The following KAT2B variants were observed in gnomAD, a reference collection of about 807,000 sequenced individuals.
KAT2B encodes lysine acetyltransferase 2B.
In KAT2B, 36 loss-of-function variants were observed where a neutral mutation model predicts 105.9. That is an observed-to-expected ratio of 0.34 (90% CI 0.26 to 0.45). The LOEUF (loss-of-function observed/expected upper bound fraction) is 0.45. Among genes scored for constraint, KAT2B ranks in the 20% least tolerant of loss-of-function variants. The pLI is 1.00. For missense variants in KAT2B, 820 were observed against 1,021.6 expected (o/e 0.80, Z 2.69); for synonymous variants, 397 against 377.9 (o/e 1.05, Z -0.59).
intron 9 of KAT2B, among the ~76,000 whole-genome samples, chr3:20,123,524 T>G (rs1240000900): frequency 6.6e-6 from 1 of 152,252 alleles, no homozygotes; most frequent in Non-Finnish European, 1.5e-5. Context: ...ATGTGTGGCT[T>G]GCAAAGTATG....
intron 2 of KAT2B, among the ~76,000 whole-genome samples, chr3:20,090,753 T>C (rs539325453): frequency 2.0e-5 from 3 of 152,202 alleles, no homozygotes; most frequent in Non-Finnish European, 4.4e-5. Context: ...TTGAAGTTTT[T>C]TTTTAGAGTT....
chr3:20,101,969 AAATT>A (rs1242429482), intron 5 of KAT2B, among the ~76,000 whole-genome samples: 1 of 152,166 alleles, frequency 6.6e-6, no homozygotes, highest in Non-Finnish European at 1.5e-5. Flanking sequence ...TATAACTCTG[AAATT>A]AATTAGAGCC....
At chr3:20,112,227 G>A (rs2125166615) in intron 6 of KAT2B, among the ~76,000 whole-genome samples, 1 of 148,464 alleles carries the variant, frequency 6.7e-6, no homozygotes, top group East Asian at 2.0e-4. Flanking sequence ...AACCATCCCT[G>A]CCTCAGCTAT....
Position 20,040,818 on chromosome 3 carries a change from A to G in KAT2B, c.303+38A>G, listed in dbSNP as rs1232003695. On this transcript the variant is annotated intron_variant, in intron 1 of 17. Transcript: ENST00000263754. Reference sequence around the variant, plus strand: ...CGCTCTCGGACCGCGGATGGGTGCTAGGGGCCCAGCCCGCGGGACCCCCCT... The same window carrying G: ...CGCTCTCGGACCGCGGATGGGTGCTGGGGGCCCAGCCCGCGGGACCCCCCT... The G allele has an allele frequency of 3.2e-6, 5 of 1,546,682 alleles. No homozygotes were observed. The African/African-American group carries it at 4.2e-5, about 13-fold the overall frequency.
chr3:20,093,310 G>C (rs2125194367), intron 2 of KAT2B, among the ~76,000 whole-genome samples: 1 of 152,316 alleles, frequency 6.6e-6, no homozygotes, highest in Non-Finnish European at 1.5e-5. Flanking sequence ...TTGGGAGCTG[G>C]TGTAGAACAC....
At chr3:20,073,379 T>G (rs989784151) in intron 2 of KAT2B, among the ~76,000 whole-genome samples, 8 of 152,196 alleles carry the variant, frequency 5.3e-5, no homozygotes, top group Non-Finnish European at 1.0e-4. Context: ...ATGCCATCAT[T>G]TCTCTAGAGC....
intron 2 of KAT2B, among the ~76,000 whole-genome samples, chr3:20,075,742 G>A (rs1698406744): frequency 6.6e-6 from 1 of 151,800 alleles, no homozygotes; most frequent in African/African-American, 2.4e-5. Flanking sequence ...CCAGGTGCAC[G>A]ACCCCCCAGG....
Position 20,152,248 on chromosome 3 carries a change from C to G in KAT2B, c.2306-84C>G, listed in dbSNP as rs151068697. ...GATAAAAATGTAATCAAACCAACAA[C>G]ATAGATTCCTTTCCCAGTCCCAGTT... On this transcript the variant is annotated intron_variant, in intron 17 of 17. Transcript: ENST00000263754. 342 of 871,668 alleles carry G rather than the reference C, an allele frequency of 3.9e-4. No homozygotes were observed. In the African/African-American group the frequency reaches 5.1e-3, roughly 13 times the overall value. The allele number at this position is 871,668 out of a possible 1,614,324, so 54.0% of individuals were successfully genotyped here.
intron 5 of KAT2B, among the ~76,000 whole-genome samples, chr3:20,102,696 A>G (rs1401683475): frequency 1.3e-5 from 2 of 152,216 alleles, no homozygotes; most frequent in African/African-American, 2.4e-5. Flanking sequence ...AAATATAAGG[A>G]CCTACATTTA....
rs1292608940 is a variant in KAT2B, at chr3:20,111,509, T to A, written c.852-87T>A. ...AGGCCTAGTTTTTTTCTGCTATAGT[T>A]AATAGTACGAGATAAACATAATTGA... On this transcript the variant is annotated intron_variant, in intron 5 of 17. Coordinates refer to ENST00000263754, the MANE Select transcript of KAT2B (RefSeq NM_003884.5). 5.4e-6 allele frequency: 6 copies of A among 1,109,824 alleles called. No homozygotes were observed. In the African/African-American group the frequency reaches 9.5e-5, roughly 18 times the overall value. 68.7% of individuals were successfully genotyped at this position (1,109,824 alleles called of 1,614,324 possible). A position where few individuals can be genotyped will look rare whatever the true frequency, so the allele number is the denominator to read the frequency against.
intron 3 of KAT2B, 65 bp downstream of exon 3, chr3:20,095,473 C>T (rs1698793007): frequency 7.0e-6 from 8 of 1,136,706 alleles, no homozygotes; most frequent in Non-Finnish European, 1.0e-5. Context: ...CTCCATATGC[C>T]AGGTCGTGGC....
At chr3:20,068,816 A>G (rs553408801) in intron 1 of KAT2B, among the ~76,000 whole-genome samples, 1 of 152,292 alleles carries the variant, frequency 6.6e-6, no homozygotes, top group East Asian at 1.9e-4. Flanking sequence ...TTGGCCTGCC[A>G]TATTTAATTG....
At position 20,111,745 on chromosome 3, in the gene KAT2B, T is replaced by C; in HGVS notation, c.1001T>C (p.Leu334Pro). 2 of 1,613,966 alleles carry C rather than the reference T, an allele frequency of 1.2e-6. No homozygotes were observed. Among genetic ancestry groups the C allele is most frequent in the African/African-American group, 1.3e-5 (1 of 75,036 alleles). The change falls in exon 6 of 18, where the codon CTG becomes CCG. Residue 334 changes from leucine (L) to proline (P), a missense_variant. This residue lies in a region of KAT2B where 173 missense variants were observed against 249.5 expected (regional missense o/e 0.69). Transcript: ENST00000263754. ...LEQARQEKDK[L>P]PLEKRTLILT... ...CAAGCAAGACAGGAAAAAGATAAAC[T>C]GCCTCTTGAAAAACGAACTCTAATC...
chr3:20,148,539 G>T, intron 17 of KAT2B, 52 bp downstream of exon 17: 5 of 1,293,384 alleles, frequency 3.9e-6, no homozygotes, highest in Non-Finnish European at 5.4e-6. Context: ...GGATGGCGGT[G>T]TGGGGGACAA....
chr3:20,045,695 G>T (rs1225833312), intron 1 of KAT2B, among the ~76,000 whole-genome samples: 1 of 152,192 alleles, frequency 6.6e-6, no homozygotes, highest in Non-Finnish European at 1.5e-5. Flanking sequence ...AGGCAATAGG[G>T]TATAGTGGCT....
At chr3:20,047,163 C>T (rs575585965) in intron 1 of KAT2B, among the ~76,000 whole-genome samples, 15 of 151,298 alleles carry the variant, frequency 9.9e-5, no homozygotes, top group Non-Finnish European at 2.1e-4. Context: ...GTGGTCCTCC[C>T]ACCCTAGTCT....
rs1697691038 is a variant in KAT2B, at chr3:20,040,493, GGGGCC to G, written c.26_30del (p.Pro9ArgfsTer97). On this transcript the variant is annotated frameshift_variant, in exon 1 of 18. Transcript: ENST00000263754. LOFTEE classifies it high-confidence loss of function. ...CCGGGGCGGCATGTCCGAGGCTGGC[GGGGCC>G]GGGCCGGGCGGCTGCGGGGCAGGAG... 4 of 1,044,762 alleles carry G rather than the reference GGGGCC, an allele frequency of 3.8e-6. No individual in the cohort carries two copies. The highest frequency in any genetic ancestry group is 3.4e-6 in the Non-Finnish European group (3 of 870,330). The allele number at this position is 1,044,762 out of a possible 1,614,324, so 64.7% of individuals were successfully genotyped here. A position where few individuals can be genotyped will look rare whatever the true frequency, so the allele number is the denominator to read the frequency against.
intron 9 of KAT2B, among the ~76,000 whole-genome samples, chr3:20,123,135 G>T (rs1399376038): frequency 6.6e-6 from 1 of 152,108 alleles, no homozygotes; most frequent in Non-Finnish European, 1.5e-5. Context: ...AGATTCAGCA[G>T]TTAACATTAT....
At chr3:20,048,895 G>T (rs1462182800) in intron 1 of KAT2B, among the ~76,000 whole-genome samples, 3 of 151,954 alleles carry the variant, frequency 2.0e-5, no homozygotes, top group South Asian at 4.2e-4. Context: ...TTTTTGAGAC[G>T]GAGTCTTGCT....
Sources: allele counts gnomAD v4.1 joint callset (sites outside exome capture counted in the v4.1 genomes callset), GRCh38; gene constraint gnomAD v4.1.1; regional missense constraint gnomAD v4.1.1; transcripts MANE v1.5; gene names NCBI Gene and HGNC (gene_info 2026-07-23, HGNC 2026-07-21).